Variants in FANCB observed in about 807,000 individuals in gnomAD.
The protein encoded by FANCB is Fanconi anemia group B protein.
FANCB carries 5 observed loss-of-function variants against 38.9 expected under a neutral mutation model. That is an observed-to-expected ratio of 0.13 (90% CI 0.07 to 0.27). FANCB has a LOEUF of 0.27. Ranked by LOEUF, FANCB falls within the 10% of genes least tolerant of loss-of-function variation. The pLI is 1.00. For missense variants in FANCB, 573 were observed against 602.7 expected (o/e 0.95, Z 0.52); for synonymous variants, 236 against 215.4 (o/e 1.10, Z -0.84).
chrX:14,864,729 C>A lies in FANCB; in HGVS notation c.782G>T (p.Arg261Leu). 1 of 1,211,443 alleles carries A rather than the reference C, an allele frequency of 8.3e-7. No homozygotes were observed. The highest frequency in any genetic ancestry group is 1.1e-6 in the Non-Finnish European group (1 of 895,273). Residue 261 changes from arginine (R) to leucine (L), a missense_variant, in exon 3 of 10, where the codon CGA (arginine) becomes CTA (leucine). Arg to Leu is a moderately radical substitution (Grantham distance 102, BLOSUM62 -2). Coordinates refer to ENST00000650831, the MANE Select transcript of FANCB (RefSeq NM_001018113.3). The stretch of plus-strand genomic sequence containing the variant: ...CTGAAATGAAATCAGCTGATTCTTT[C>A]GAGTAAGGGCAATGAGAGATATTCT... ...QLRISLIALT[R>L]KNQLISFQNG...
intron 6 of FANCB, among the ~76,000 whole-genome samples, chrX:14,852,643 TTA>T (rs2092406668): frequency 8.9e-6 from 1 of 112,057 alleles, no homozygotes. Context: ...AATAATAAAA[TTA>T]TCTCATCACC....
chrX:14,749,928 G>C, the FANCB span, among the ~76,000 whole-genome samples: 1 of 112,580 alleles, frequency 8.9e-6, no homozygotes, highest in Non-Finnish European at 1.9e-5. Context: ...CAGAAAAAGA[G>C]ATTCCACTAA....
At chrX:14,861,212 C>G (rs1214027749) in intron 3 of FANCB, among the ~76,000 whole-genome samples, 2 of 111,564 alleles carry the variant, frequency 1.8e-5, no homozygotes. Context: ...ATGCCTGCCA[C>G]ATAGATTCTT....
At chrX:14,820,070 C>T in the FANCB span, among the ~76,000 whole-genome samples, 2 of 111,502 alleles carry the variant, frequency 1.8e-5, no homozygotes, top group South Asian at 7.6e-4. Flanking sequence ...TCCAGCCTTA[C>T]ATTTCACCAT....
the FANCB span, among the ~76,000 whole-genome samples, chrX:14,752,202 T>C: frequency 1.8e-5 from 2 of 111,789 alleles, no homozygotes; most frequent in East Asian, 2.8e-4. Flanking sequence ...AAAATCATTA[T>C]CTGCTAATAT....
the FANCB span, among the ~76,000 whole-genome samples, chrX:14,759,803 A>G: frequency 1.1e-5 from 1 of 87,093 alleles, no homozygotes; most frequent in Non-Finnish European, 2.1e-5. Context: ...AACACAATGG[A>G]AAAAAAAAAA....
chrX:14,859,355 TAGG>T (rs772102044), intron 3 of FANCB, 21 bp from the exon 4 acceptor site: 170 of 1,126,240 alleles, frequency 1.5e-4, no homozygotes, highest in Middle Eastern at 1.2e-3. Flanking sequence ...GGGAGCATTA[TAGG>T]AGGAGTAGAC....
At chrX:14,872,797 G>T (rs1391331035) in intron 1 of FANCB, among the ~76,000 whole-genome samples, 189 bp downstream of exon 1, 1 of 112,133 alleles carries the variant, frequency 8.9e-6, no homozygotes, top group Admixed American at 9.3e-5. Context: ...ATACTGAAGG[G>T]ATGAAAAAAA....
chrX:14,704,927 G>C, the FANCB span, among the ~76,000 whole-genome samples: 1 of 112,087 alleles, frequency 8.9e-6, no homozygotes, highest in Non-Finnish European at 1.9e-5. Context: ...AGAACCATAA[G>C]AGAGTTATAG....
chrX:14,845,013 G>T lies in FANCB; in HGVS notation c.1770C>A (p.Phe590Leu). The T allele has an allele frequency of 8.3e-7, 1 of 1,209,792 alleles. No individual in the cohort carries two copies. The highest frequency in any genetic ancestry group is 1.1e-6 in the Non-Finnish European group (1 of 893,844). ...AVTSLSPLLT[F>L]SKFCCTVLLQ... ...GCAGTACAGTGCAACAAAATTTACT[G>T]AATGTTAAAAGTGGTGAAAGAGATG... is the stretch of plus-strand genomic sequence containing the variant. The change falls in exon 8 of 10, where the codon TTC becomes TTA. Residue 590 changes from phenylalanine to leucine, a missense_variant. Physicochemically the swap from Phe to Leu is conservative, Grantham distance 22. Transcript: ENST00000650831.
At chrX:14,761,182 T>G in the FANCB span, among the ~76,000 whole-genome samples, 1 of 111,651 alleles carries the variant, frequency 9.0e-6, no homozygotes, top group Non-Finnish European at 1.9e-5. Flanking sequence ...ATTTTTTATT[T>G]TGTAGAGATA....
chrX:14,842,498 C>T (rs1303021180), downstream of FANCB, among the ~76,000 whole-genome samples: 1 of 111,740 alleles, frequency 8.9e-6, no homozygotes, highest in Non-Finnish European at 1.9e-5. Context: ...TTTATTTTGG[C>T]CCATATCCTT....
chrX:14,816,875 T>G, the FANCB span, among the ~76,000 whole-genome samples: 1 of 111,821 alleles, frequency 8.9e-6, no homozygotes, highest in African/African-American at 3.3e-5. Context: ...CCTGTGACTT[T>G]GGGCAAGTTT....
chrX:14,721,664 A>G, the FANCB span, among the ~76,000 whole-genome samples: 4 of 110,952 alleles, frequency 3.6e-5, no homozygotes, highest in Non-Finnish European at 5.7e-5. Flanking sequence ...CCTGTATATG[A>G]TTTTTTCCCC....
the FANCB span, among the ~76,000 whole-genome samples, chrX:14,788,485 C>A: frequency 1.8e-5 from 2 of 111,398 alleles, no homozygotes; most frequent in African/African-American, 6.5e-5. Context: ...CTGATACCGA[C>A]TGATGGGACC....
At chrX:14,866,634 A>C (rs1467439013) in intron 2 of FANCB, among the ~76,000 whole-genome samples, 1 of 111,968 alleles carries the variant, frequency 8.9e-6, no homozygotes, top group African/African-American at 3.2e-5. Flanking sequence ...AGTAAAATAA[A>C]GGATAAAAGA....
At chrX:14,757,807 C>T in the FANCB span, among the ~76,000 whole-genome samples, 4 of 111,872 alleles carry the variant, frequency 3.6e-5, no homozygotes, top group Non-Finnish European at 1.9e-5. Flanking sequence ...ACACTTTTGA[C>T]TGAATGCAAA....
At chrX:14,708,806 C>T in the FANCB span, among the ~76,000 whole-genome samples, 5 of 111,389 alleles carry the variant, frequency 4.5e-5, no homozygotes, top group African/African-American at 9.8e-5. Flanking sequence ...CACGGTGGCT[C>T]ATGCCTGTAA....
chrX:14,837,588 A>G (rs989337119), intron 10 of FANCB, among the ~76,000 whole-genome samples: 4 of 112,445 alleles, frequency 3.6e-5, no homozygotes, highest in Non-Finnish European at 7.5e-5. Context: ...ATTTAGGATG[A>G]TGTGGCCCAC....
Sources: allele counts gnomAD v4.1 joint callset (sites outside exome capture counted in the v4.1 genomes callset), GRCh38; gene constraint gnomAD v4.1.1; transcripts MANE v1.5; gene names NCBI Gene and HGNC (gene_info 2026-07-23, HGNC 2026-07-21).